The following F8 variants were observed in gnomAD, a reference collection of about 807,000 sequenced individuals.
F8 encodes the protein coagulation factor VIII.
A neutral mutation model predicts 140.6 loss-of-function variants in F8; 12 were observed. The ratio of observed to expected loss-of-function variants is 0.09; its 90% confidence interval spans 0.05 to 0.14. F8 has a LOEUF of 0.14. F8 is among the 10% of genes least tolerant of loss of function. The probability of loss-of-function intolerance (pLI) is 1.00; values close to 1 mark genes in which losing one functional copy is unlikely to be tolerated. For synonymous variants in F8, 585 were observed against 614.6 expected (o/e 0.95, Z 0.71); for missense variants, 1,354 against 1,720.7 (o/e 0.79, Z 3.77).
chrX:154,861,852 A>T lies in F8; in HGVS notation c.6589T>A (p.Leu2197Met). The T allele has an allele frequency of 8.3e-7, 1 of 1,211,651 alleles. No individual in the cohort carries two copies. The highest frequency in any genetic ancestry group is 1.1e-6 in the Non-Finnish European group (1 of 895,392). ...GATATTGCTTTACTCTCCATTCCCAATGGCATGCTGCAACCTCAAAGAAAA... is the reference window on the plus strand; with the variant it reads ...GATATTGCTTTACTCTCCATTCCCATTGGCATGCTGCAACCTCAAAGAAAA... ...GCDLNSCSMP[L>M]GMESKAISDA... The change falls in exon 24 of 26, where the codon TTG becomes ATG. Residue 2197 changes from leucine (L) to methionine (M), a missense_variant. This residue lies in a region of F8 where 316 missense variants were observed against 485.4 expected (regional missense o/e 0.65). Coordinates refer to ENST00000360256, the MANE Select transcript of F8 (RefSeq NM_000132.4).
chrX:154,837,394 T>C lies in F8; in HGVS notation c.*203A>G, dbSNP rs1460477590. On this transcript the variant is annotated 3_prime_UTR_variant, in exon 26 of 26. Coordinates refer to ENST00000360256, the MANE Select transcript of F8 (RefSeq NM_000132.4). ...GTAATCTGGGAGCAGCTGCAGAAAATAGGTAAGAGTTAAGTTAAATTGGAT... is the reference window on the plus strand; with the variant it reads ...GTAATCTGGGAGCAGCTGCAGAAAACAGGTAAGAGTTAAGTTAAATTGGAT... 1 of 433,041 alleles carries C rather than the reference T, an allele frequency of 2.3e-6. No homozygotes were observed. Among genetic ancestry groups the C allele is most frequent in the African/African-American group, 2.5e-5 (1 of 40,137 alleles). The allele number at this position is 433,041 out of a possible 1,213,427, so 35.7% of individuals were successfully genotyped here.
chrX:154,873,715 C>T (rs997851815), intron 22 of F8, among the ~76,000 whole-genome samples: 6 of 112,006 alleles, frequency 5.4e-5, no homozygotes, highest in Admixed American at 1.9e-4. Flanking sequence ...AGATTTTTGA[C>T]AAGGGTGCCA....
At position 154,931,068 on chromosome X, in the gene F8, T is replaced by C. The variant is rs1557278780; in HGVS notation, c.2722A>G (p.Ile908Val). ...SSTSNNLIST[I>V]PSDNLAAGTD... ...CCTGCTGCCAAATTGTCTGATGGAA[T>C]TGTTGAAATCAGATTATTTGATGTA... Residue 908 changes from isoleucine to valine, a missense_variant, in exon 14 of 26, where the codon ATT (isoleucine) becomes GTT (valine). Coordinates refer to ENST00000360256, the MANE Select transcript of F8 (RefSeq NM_000132.4). 1 of 1,200,055 alleles carries C rather than the reference T, an allele frequency of 8.3e-7. No individual in the cohort carries two copies. The highest frequency in any genetic ancestry group is 1.1e-6 in the Non-Finnish European group (1 of 889,590).
At chrX:154,954,562 C>T (rs2073353996) in intron 11 of F8, among the ~76,000 whole-genome samples, 1 of 111,978 alleles carries the variant, frequency 8.9e-6, no homozygotes, top group African/African-American at 3.2e-5. Flanking sequence ...ACACTAATAC[C>T]TTAAATTTTC....
chrX:154,925,077 T>A (rs782284175), intron 14 of F8, among the ~76,000 whole-genome samples: 6 of 112,645 alleles, frequency 5.3e-5, no homozygotes, highest in African/African-American at 1.9e-4. Context: ...TCATTACTTA[T>A]GCAAATTTCT....
intron 1 of F8, among the ~76,000 whole-genome samples, chrX:155,008,134 G>C (rs1167361275): frequency 1.8e-5 from 2 of 111,701 alleles, no homozygotes; most frequent in Non-Finnish European, 3.8e-5. Context: ...GGCACAGGTA[G>C]AACTCCAGCT....
chrX:154,871,381 G>C (rs2072772480), intron 22 of F8, among the ~76,000 whole-genome samples: 1 of 112,011 alleles, frequency 8.9e-6, no homozygotes, highest in Non-Finnish European at 1.9e-5. Context: ...GGAGGCCTCA[G>C]AAATAACACC....
At chrX:154,954,726 C>A (rs782381408) in intron 11 of F8, among the ~76,000 whole-genome samples, 1 of 111,542 alleles carries the variant, frequency 9.0e-6, no homozygotes, top group Admixed American at 9.5e-5. Flanking sequence ...GCTATATAAA[C>A]CAAAATACTG....
At chrX:154,957,785 C>T (rs1346393412) in intron 10 of F8, among the ~76,000 whole-genome samples, 4 of 105,717 alleles carry the variant, frequency 3.8e-5, no homozygotes, top group African/African-American at 1.4e-4. Flanking sequence ...ACTTGGGAGG[C>T]TGAGGCATGA....
At chrX:154,942,229 C>G (rs1238661107) in intron 13 of F8, among the ~76,000 whole-genome samples, 1 of 109,257 alleles carries the variant, frequency 9.2e-6, no homozygotes, top group African/African-American at 3.3e-5. Context: ...AATCCAGGAG[C>G]TGGTTTTTTG....
intron 13 of F8, among the ~76,000 whole-genome samples, chrX:154,941,377 T>C (rs1342630726): frequency 1.8e-5 from 2 of 111,262 alleles, no homozygotes; most frequent in East Asian, 2.8e-4. Context: ...TAGTCTCTGA[T>C]AGAACAGACT....
chrX:154,938,328 C>T (rs2073235230), intron 13 of F8, among the ~76,000 whole-genome samples: 1 of 111,444 alleles, frequency 9.0e-6, no homozygotes, highest in Non-Finnish European at 1.9e-5. Context: ...GACAACAGTG[C>T]AATTCAGTGA....
chrX:154,927,073 G>A (rs782781507), intron 14 of F8, among the ~76,000 whole-genome samples: 97 of 111,601 alleles, frequency 8.7e-4, no homozygotes, highest in African/African-American at 3.0e-3. Context: ...ATCAACGATG[G>A]AGTAATCACC....
intron 1 of F8, 109 bp downstream of exon 1, chrX:155,022,301 G>T: frequency 4.9e-6 from 4 of 816,307 alleles, no homozygotes; most frequent in East Asian, 3.1e-5. Flanking sequence ...TTTCTTTGGG[G>T]CCCAGGTAGC....
chrX:154,931,340 G>A lies in F8; in HGVS notation c.2450C>T (p.Pro817Leu). The change falls in exon 14 of 26, where the codon CCT (proline) becomes CTT (leucine). Residue 817 changes from proline to leucine, a missense_variant. Around this residue, in one of 4 missense-constraint regions of F8, gnomAD observed 658 missense variants for 666.5 expected, o/e 0.99. Transcript: ENST00000360256. ...AGATAAGGATAGCCCATGTGGAGTA[G>A]GACTCTGTCGCAAGAGCATCAACAA... ...SDLLMLLRQS[P>L]TPHGLSLSDL... 8.3e-7 allele frequency: 1 copy of A among 1,209,878 alleles called. No individual in the cohort carries two copies. Among genetic ancestry groups the A allele is most frequent in the Non-Finnish European group, 1.1e-6 (1 of 893,903 alleles).
chrX:154,941,356 G>A (rs1264820995), intron 13 of F8, among the ~76,000 whole-genome samples: 11 of 111,177 alleles, frequency 9.9e-5, no homozygotes, highest in African/African-American at 3.6e-4. Context: ...AAAAGGCAGG[G>A]GTTGCAATCC....
chrX:154,942,194 C>T (rs1354198036), intron 13 of F8, among the ~76,000 whole-genome samples: 3 of 105,526 alleles, frequency 2.8e-5, no homozygotes, highest in Non-Finnish European at 5.9e-5. Flanking sequence ...AATAGAGACA[C>T]AAAAAACCCT....
chrX:154,932,683 T>C (rs2073204208), intron 13 of F8, among the ~76,000 whole-genome samples: 1 of 111,281 alleles, frequency 9.0e-6, no homozygotes, highest in Non-Finnish European at 1.9e-5. Flanking sequence ...TATCAGGAAG[T>C]GATTATGGAA....
intron 22 of F8, among the ~76,000 whole-genome samples, chrX:154,892,409 T>A: frequency 8.9e-6 from 1 of 112,549 alleles, no homozygotes; most frequent in Admixed American, 9.3e-5. Context: ...AATGCCACTG[T>A]CATTTAATCT....
Sources: allele counts gnomAD v4.1 joint callset (sites outside exome capture counted in the v4.1 genomes callset), GRCh38; gene constraint gnomAD v4.1.1; regional missense constraint gnomAD v4.1.1; transcripts MANE v1.5; gene names NCBI Gene and HGNC (gene_info 2026-07-23, HGNC 2026-07-21).